The following ASB7 variants were observed in gnomAD, a reference collection of about 807,000 sequenced individuals.
The protein encoded by ASB7 is ankyrin repeat and SOCS box containing 7.
ASB7 carries 4 observed loss-of-function variants against 32.5 expected under a neutral mutation model. The observed-to-expected ratio is 0.12, with a 90% CI of 0.06 to 0.28. The LOEUF (loss-of-function observed/expected upper bound fraction) is 0.28, where lower values mean the gene tolerates loss of function less well. Ranked by LOEUF, ASB7 falls within the 10% of genes least tolerant of loss-of-function variation. ASB7 has a pLI of 1.00. For synonymous variants in ASB7, 172 were observed against 155.6 expected (o/e 1.11, Z -0.78); for missense variants, 181 against 407.1 (o/e 0.44, Z 4.78).
intron 5 of ASB7, chr15:100,638,471 CTG>C (rs1373303322): frequency 1.3e-5 from 2 of 152,116 alleles, no homozygotes; most frequent in African/African-American, 4.8e-5. Context: ...AAAAGAAAAA[CTG>C]TGGTTCTCCC....
intron 5 of ASB7, among the ~76,000 whole-genome samples, chr15:100,647,643 A>G (rs2040005295): frequency 6.6e-6 from 1 of 152,110 alleles, no homozygotes; most frequent in South Asian, 2.1e-4. Context: ...GCTTGAAGCG[A>G]TGTAGATTCA....
In ASB7 at chr15:100,629,975, A is replaced by C. The variant is rs747306332; in HGVS notation, c.750A>C (p.Pro250=). The C allele has an allele frequency of 3.7e-6, 6 of 1,613,680 alleles. No homozygotes were observed. The highest frequency in any genetic ancestry group is 3.3e-4 in the Middle Eastern group (2 of 6,060). The change falls in exon 5 of 6, where the codon CCA becomes CCC. Residue 250 remains proline (P), a synonymous_variant. Coordinates refer to ENST00000332783, the MANE Select transcript of ASB7 (RefSeq NM_198243.3). This position sits in a 1 kb window ranked among gnomAD's most constrained non-coding sequence, Gnocchi z 6.8. Reference sequence around the variant, plus strand: ...CACGGAACTATGAAGGACAGACCCCATTGGCTGTTTCAATAAGTATTTCTG... The same window carrying C: ...CACGGAACTATGAAGGACAGACCCCCTTGGCTGTTTCAATAAGTATTTCTG... ...TNTRNYEGQT[P]LAVSISISGS...
At chr15:100,636,109 T>G (rs1270062146) in intron 5 of ASB7, among the ~76,000 whole-genome samples, 1 of 152,218 alleles carries the variant, frequency 6.6e-6, no homozygotes, top group Non-Finnish European at 1.5e-5. Context: ...TCAGTGTTCG[T>G]CAAAATTACC....
intron 5 of ASB7, among the ~76,000 whole-genome samples, chr15:100,631,879 G>T (rs2039885831): frequency 6.6e-6 from 1 of 152,200 alleles, no homozygotes; most frequent in South Asian, 2.1e-4. Flanking sequence ...AGTGAGGGGG[G>T]ATTAACAGCG....
chr15:100,611,541 G>A (rs1459245087), intron 3 of ASB7, among the ~76,000 whole-genome samples: 4 of 126,844 alleles, frequency 3.2e-5, no homozygotes, highest in East Asian at 2.8e-4. Flanking sequence ...GTGCAGTGGC[G>A]CAATCTCAGC....
intron 2 of ASB7, among the ~76,000 whole-genome samples, chr15:100,605,455 T>C (rs1195395150): frequency 2.0e-5 from 3 of 152,238 alleles, no homozygotes; most frequent in African/African-American, 7.2e-5. Flanking sequence ...TTTAGTATAC[T>C]GTGGCCAGTA....
At chr15:100,646,326 C>G (rs1009119965) in intron 5 of ASB7, 6 of 381,388 alleles carry the variant, frequency 1.6e-5, no homozygotes, top group African/African-American at 1.0e-4. Flanking sequence ...AGATCCATAC[C>G]TCTGTCCCTT....
chr15:100,636,164 C>T (rs564980398), intron 5 of ASB7, among the ~76,000 whole-genome samples: 1 of 152,208 alleles, frequency 6.6e-6, no homozygotes, highest in East Asian at 1.9e-4. Context: ...ACTACGGCTC[C>T]AGGTACACAG....
chr15:100,644,584 A>G (rs2039984970), intron 5 of ASB7, among the ~76,000 whole-genome samples: 1 of 152,222 alleles, frequency 6.6e-6, no homozygotes, highest in Non-Finnish European at 1.5e-5. Flanking sequence ...TTGGGTTTAC[A>G]TTGGCAAATG....
At chr15:100,646,090 G>A in intron 5 of ASB7, 1 of 390,788 alleles carries the variant, frequency 2.6e-6, no homozygotes, top group East Asian at 6.7e-5. Flanking sequence ...ATCAATAGCT[G>A]TGGAATCTAC....
chr15:100,633,826 A>T (rs1383693661), intron 5 of ASB7, among the ~76,000 whole-genome samples: 2 of 152,304 alleles, frequency 1.3e-5, no homozygotes, highest in East Asian at 3.9e-4. Context: ...CACAAAACTT[A>T]GGAGGCCCTC....
chr15:100,650,670 A>G lies in ASB7; in HGVS notation c.*2208A>G, dbSNP rs934652436. 6.6e-6 allele frequency: 1 copy of G among 152,098 alleles called. No individual in the cohort carries two copies. The highest frequency in any genetic ancestry group is 1.5e-5 in the Non-Finnish European group (1 of 68,008). 9.4% of individuals were successfully genotyped at this position (152,098 alleles called of 1,614,324 possible). A position where few individuals can be genotyped will look rare whatever the true frequency, so the allele number is the denominator to read the frequency against. On this transcript the variant is annotated 3_prime_UTR_variant, in exon 6 of 6. Coordinates refer to ENST00000332783, the MANE Select transcript of ASB7 (RefSeq NM_198243.3). ...GATTAAGGTAAATTCTTTGTTCTGT[A>G]TTGCTGCTGTGACTTCAGAAAAAAA...
intron 4 of ASB7, among the ~76,000 whole-genome samples, chr15:100,615,950 T>C (rs2039739468): frequency 6.6e-6 from 1 of 152,244 alleles, no homozygotes; most frequent in Non-Finnish European, 1.5e-5. Flanking sequence ...TGAATGATCG[T>C]GTTACATTAT....
intron 4 of ASB7, among the ~76,000 whole-genome samples, chr15:100,621,105 T>C (rs1253247743): frequency 6.6e-6 from 1 of 152,202 alleles, no homozygotes; most frequent in Non-Finnish European, 1.5e-5. Flanking sequence ...CTGATGGGAA[T>C]TTATGAGAGT....
chr15:100,617,521 C>T (rs142979101), intron 4 of ASB7, among the ~76,000 whole-genome samples: 6 of 152,318 alleles, frequency 3.9e-5, no homozygotes, highest in Non-Finnish European at 7.3e-5. Flanking sequence ...TCAGCTCTCA[C>T]TGATCGTTTT....
intron 5 of ASB7, chr15:100,646,185 C>CAAT: frequency 1.0e-5 from 4 of 401,782 alleles, no homozygotes; most frequent in South Asian, 8.5e-5. Flanking sequence ...TAGAGCCACT[C>CAAT]AATAGTAACA....
chr15:100,629,702 C>T lies in ASB7; in HGVS notation c.477C>T (p.Ile159=), dbSNP rs754709410. Residue 159 remains isoleucine (I), a synonymous_variant, in exon 5 of 6, where the codon ATC becomes ATT. Coordinates refer to ENST00000332783, the MANE Select transcript of ASB7 (RefSeq NM_198243.3). The surrounding 1 kb of genome is among the most constrained non-coding windows in gnomAD (Gnocchi z 6.8). Reference sequence around the variant, plus strand: ...CCACACCGCTTCAGCTCGCCATTATCCGAGAGAGGTCAAGCTGTGTGAAAA... The same window carrying T: ...CCACACCGCTTCAGCTCGCCATTATTCGAGAGAGGTCAAGCTGTGTGAAAA... The part of the protein sequence containing the change: ...KGTTPLQLAI[I]RERSSCVKIL... 3.7e-6 allele frequency: 6 copies of T among 1,614,224 alleles called. No homozygotes were observed. Among genetic ancestry groups the T allele is most frequent in the Non-Finnish European group, 5.1e-6 (6 of 1,180,042 alleles).
chr15:100,613,602 G>A (rs185512212), intron 4 of ASB7, among the ~76,000 whole-genome samples: 80 of 152,284 alleles, frequency 5.3e-4, no homozygotes, highest in African/African-American at 1.6e-3. Flanking sequence ...GAAGTGGAAC[G>A]CCAGGAAAAA....
chr15:100,608,032 G>T (rs967716965), intron 2 of ASB7, among the ~76,000 whole-genome samples: 2 of 152,200 alleles, frequency 1.3e-5, no homozygotes, highest in Non-Finnish European at 2.9e-5. Flanking sequence ...CAGGCTTGAA[G>T]CTATGTTGGG....
Sources: allele counts gnomAD v4.1 joint callset (sites outside exome capture counted in the v4.1 genomes callset), GRCh38; gene constraint gnomAD v4.1.1; non-coding constraint Gnocchi (gnomAD v3.1); transcripts MANE v1.5; gene names NCBI Gene and HGNC (gene_info 2026-07-23, HGNC 2026-07-21).